The following HMGCLL1 variants were observed in gnomAD, a reference collection of about 807,000 sequenced individuals.
The protein encoded by HMGCLL1 is 3-hydroxy-3-methylglutaryl-CoA lyase like 1.
In HMGCLL1, 36 loss-of-function variants were observed where a neutral mutation model predicts 39.1. The ratio of observed to expected loss-of-function variants is 0.92; its 90% confidence interval spans 0.71 to 1.22. The LOEUF (loss-of-function observed/expected upper bound fraction) is 1.22. Among genes scored for constraint, HMGCLL1 ranks in the 50% most tolerant of loss-of-function variants. The pLI, the probability that HMGCLL1 is intolerant of heterozygous loss-of-function variation, is 0.00. For missense variants in HMGCLL1, 451 were observed against 416.5 expected (o/e 1.08, Z -0.72); for synonymous variants, 149 against 144.0 (o/e 1.03, Z -0.25).
At chr6:55,594,210 C>G in the HMGCLL1 span, among the ~76,000 whole-genome samples, 2 of 152,160 alleles carry the variant, frequency 1.3e-5, no homozygotes, top group South Asian at 4.2e-4. Flanking sequence ...CTGAATTATT[C>G]CTTAAACAGT....
intron 7 of HMGCLL1, among the ~76,000 whole-genome samples, chr6:55,441,464 A>G (rs919127548): frequency 1.3e-5 from 2 of 152,150 alleles, no homozygotes; most frequent in Non-Finnish European, 2.9e-5. Flanking sequence ...TATATTTGTC[A>G]TAACTAAAGA....
intron 7 of HMGCLL1, among the ~76,000 whole-genome samples, chr6:55,478,992 A>G (rs537049002): frequency 6.6e-6 from 1 of 151,618 alleles, no homozygotes. Flanking sequence ...GTGCCTCTGA[A>G]TTTCTCTCTT....
chr6:55,503,653 C>A (rs1375037537), intron 5 of HMGCLL1, among the ~76,000 whole-genome samples: 1 of 151,660 alleles, frequency 6.6e-6, no homozygotes, highest in African/African-American at 2.4e-5. Context: ...ATATTACAAG[C>A]TTGATGCATT....
At chr6:55,604,306 C>T in the HMGCLL1 span, among the ~76,000 whole-genome samples, 1 of 152,054 alleles carries the variant, frequency 6.6e-6, no homozygotes, top group East Asian at 1.9e-4. Flanking sequence ...AAATCATATA[C>T]ATTCTTTAAC....
the HMGCLL1 span, among the ~76,000 whole-genome samples, chr6:55,665,391 T>A: frequency 6.6e-6 from 1 of 151,674 alleles, no homozygotes; most frequent in Non-Finnish European, 1.5e-5. Flanking sequence ...CATCTATAAG[T>A]TTTCATTCAT....
intron 7 of HMGCLL1, among the ~76,000 whole-genome samples, chr6:55,487,158 G>T (rs1766073143): frequency 6.6e-6 from 1 of 151,642 alleles, no homozygotes; most frequent in South Asian, 2.1e-4. Context: ...TTCCAACAGT[G>T]TTCTCTTTAG....
intron 6 of HMGCLL1, among the ~76,000 whole-genome samples, chr6:55,497,203 T>C: frequency 6.6e-6 from 1 of 152,146 alleles, no homozygotes; most frequent in African/African-American, 2.4e-5. Flanking sequence ...CCACGCATCC[T>C]AATCATGTGA....
chr6:55,491,897 C>A (rs967921388), intron 7 of HMGCLL1, among the ~76,000 whole-genome samples: 1 of 151,788 alleles, frequency 6.6e-6, no homozygotes, highest in African/African-American at 2.4e-5. Context: ...ATACAACAAT[C>A]TCTGGTCCCA....
intron 3 of HMGCLL1, among the ~76,000 whole-genome samples, chr6:55,524,842 C>T (rs912191894): frequency 6.6e-6 from 1 of 151,738 alleles, no homozygotes; most frequent in Non-Finnish European, 1.5e-5. Context: ...CAAGGCTAAA[C>T]TTTACAGCAC....
At chr6:55,528,702 T>A (rs1436987999) in intron 3 of HMGCLL1, among the ~76,000 whole-genome samples, 1 of 151,482 alleles carries the variant, frequency 6.6e-6, no homozygotes, top group Non-Finnish European at 1.5e-5. Context: ...ACTGACACCA[T>A]ATTCACAAAA....
intron 5 of HMGCLL1, among the ~76,000 whole-genome samples, chr6:55,500,487 GC>G (rs1456691421): frequency 3.2e-4 from 48 of 151,928 alleles, no homozygotes; most frequent in Admixed American, 1.3e-3. Flanking sequence ...TCAGTACATA[GC>G]TATTGATTCT....
At chr6:55,551,241 A>G (rs1261534744) in intron 1 of HMGCLL1, among the ~76,000 whole-genome samples, 1 of 151,926 alleles carries the variant, frequency 6.6e-6, no homozygotes, top group Admixed American at 6.6e-5. Context: ...ACAAGGTTCA[A>G]TTTGACAATG....
chr6:55,675,950 A>T, the HMGCLL1 span, among the ~76,000 whole-genome samples: 1 of 152,164 alleles, frequency 6.6e-6, no homozygotes, highest in Non-Finnish European at 1.5e-5. Context: ...ATCATTTCCC[A>T]TTTACATATC....
intron 7 of HMGCLL1, among the ~76,000 whole-genome samples, chr6:55,486,755 G>T (rs1766053143): frequency 6.6e-6 from 1 of 151,964 alleles, no homozygotes; most frequent in African/African-American, 2.4e-5. Context: ...TTGTCAGTTT[G>T]GGCTGCTATA....
At position 55,439,511 on chromosome 6, in the gene HMGCLL1, G is replaced by C. The variant is rs1248769104; in HGVS notation, c.844C>G (p.Pro282Ala). The change falls in exon 8 of 9, where the codon CCT (proline) becomes GCT (alanine). Residue 282 changes from proline to alanine, a missense_variant. Physicochemically the swap from Pro to Ala is conservative, Grantham distance 27 (BLOSUM62 -1). Transcript: ENST00000274901. The part of the protein sequence containing the change: ...DSAVSGLGGC[P>A]YAKGASGNVA... Reference sequence around the variant, plus strand: ...TTCCCAGAAGCACCTTTTGCATAAGGGCAGCCACCTAATCCGGATACTGCG... The same window carrying C: ...TTCCCAGAAGCACCTTTTGCATAAGCGCAGCCACCTAATCCGGATACTGCG... The C allele has an allele frequency of 1.2e-6, 2 of 1,612,830 alleles. No individual in the cohort carries two copies. The highest frequency in any genetic ancestry group is 2.2e-5 in the South Asian group (2 of 91,026).
chr6:55,631,281 G>A, the HMGCLL1 span, among the ~76,000 whole-genome samples: 73 of 151,860 alleles, frequency 4.8e-4, no homozygotes, highest in Middle Eastern at 3.4e-3. Flanking sequence ...ATTTTTAGGC[G>A]TTCCTCATTC....
chr6:55,510,535 G>A (rs932642903), intron 5 of HMGCLL1, among the ~76,000 whole-genome samples: 8 of 147,566 alleles, frequency 5.4e-5, no homozygotes, highest in East Asian at 2.0e-4. Flanking sequence ...GTAAACTATC[G>A]CAAGGACAAA....
At chr6:55,540,602 T>A (rs1302356545) in intron 3 of HMGCLL1, among the ~76,000 whole-genome samples, 3 of 152,164 alleles carry the variant, frequency 2.0e-5, no homozygotes, top group Admixed American at 6.6e-5. Flanking sequence ...ATAGTTCTCC[T>A]GCTGTTTAAG....
chr6:55,464,265 G>A (rs181043066), intron 7 of HMGCLL1, among the ~76,000 whole-genome samples: 6 of 152,082 alleles, frequency 3.9e-5, no homozygotes, highest in Admixed American at 3.3e-4. Context: ...GATTATTTTA[G>A]ATAAAAATAT....
Sources: allele counts gnomAD v4.1 joint callset (sites outside exome capture counted in the v4.1 genomes callset), GRCh38; gene constraint gnomAD v4.1.1; transcripts MANE v1.5; gene names NCBI Gene and HGNC (gene_info 2026-07-23, HGNC 2026-07-21).